The following CSGALNACT1 variants were observed in gnomAD, a reference collection of about 807,000 sequenced individuals.
CSGALNACT1 encodes the protein chondroitin sulfate N-acetylgalactosaminyltransferase 1.
A neutral mutation model predicts 51.0 loss-of-function variants in CSGALNACT1; 52 were observed. That is an observed-to-expected ratio of 1.02 (90% CI 0.82 to 1.29). CSGALNACT1 has a LOEUF of 1.29. CSGALNACT1 is among the 50% of genes most tolerant of loss of function. The pLI, the probability that CSGALNACT1 is intolerant of heterozygous loss-of-function variation, is 0.00. For synonymous variants in CSGALNACT1, 341 were observed against 254.4 expected (o/e 1.34, Z -3.24); for missense variants, 935 against 679.2 (o/e 1.38, Z -4.19).
At chr8:19,529,106 CAAGT>C (rs2082258618) in intron 3 of CSGALNACT1, among the ~76,000 whole-genome samples, 1 of 152,126 alleles carries the variant, frequency 6.6e-6, no homozygotes, top group South Asian at 2.1e-4. Context: ...GCCGAGAAAT[CAAGT>C]AAGCTGAGAA....
intron 1 of CSGALNACT1, among the ~76,000 whole-genome samples, chr8:19,649,670 C>T (rs1358266320): frequency 3.3e-5 from 5 of 151,678 alleles, no homozygotes; most frequent in Admixed American, 2.0e-4. Context: ...AATATCCATA[C>T]ACCCCAAAAC....
intron 3 of CSGALNACT1, among the ~76,000 whole-genome samples, chr8:19,513,485 TAAAG>T (rs1471652502): frequency 6.9e-6 from 1 of 145,502 alleles, no homozygotes; most frequent in Non-Finnish European, 1.5e-5. Flanking sequence ...TGCCTGCTGT[TAAAG>T]AAAATGAGTA....
intron 9 of CSGALNACT1, among the ~76,000 whole-genome samples, chr8:19,406,607 A>T (rs1214215376): frequency 1.4e-5 from 2 of 144,090 alleles, no homozygotes; most frequent in African/African-American, 2.6e-5. Flanking sequence ...CATAATAATT[A>T]AAAATAGAGG....
intron 1 of CSGALNACT1, among the ~76,000 whole-genome samples, chr8:19,631,401 T>C: frequency 6.6e-6 from 1 of 152,196 alleles, no homozygotes; most frequent in Non-Finnish European, 1.5e-5. Context: ...GCGGGTCTCT[T>C]GGATGTGTCT....
chr8:19,658,423 A>G (rs2058478112), intron 1 of CSGALNACT1, among the ~76,000 whole-genome samples: 1 of 152,240 alleles, frequency 6.6e-6, no homozygotes, highest in African/African-American at 2.4e-5. Flanking sequence ...AGAAAAGTCA[A>G]AGAGAGGAAT....
chr8:19,543,801 T>C (rs2085819110), intron 3 of CSGALNACT1, among the ~76,000 whole-genome samples: 1 of 152,238 alleles, frequency 6.6e-6, no homozygotes, highest in Admixed American at 6.5e-5. Context: ...TAAGTGCAAC[T>C]AAATGCTGAT....
chr8:19,684,847 T>C (rs565855713), upstream of CSGALNACT1, among the ~76,000 whole-genome samples: 1 of 152,370 alleles, frequency 6.6e-6, no homozygotes, highest in Admixed American at 6.5e-5. Context: ...TCTTTTCTCA[T>C]TCTAAGTAAA....
rs1554795160 is a variant in CSGALNACT1 at position 19,667,067 on chromosome 8, GAA to G, written c.-544+15404_-544+15405del. Among the ~76,000 whole-genome samples the G allele has an allele frequency of 2.5e-5, 3 of 121,880 alleles. 1 individual carries two copies. The highest frequency in any genetic ancestry group is 9.3e-5 in the African/African-American group (3 of 32,264). 80.0% of individuals were successfully genotyped at this position (121,880 alleles called of 152,430 possible). A position where few individuals can be genotyped will look rare whatever the true frequency, so the allele number is the denominator to read the frequency against. On this transcript the variant is annotated intron_variant, in intron 1 of 9. Transcript: ENST00000332246. The stretch of plus-strand genomic sequence containing the variant: ...AGAAAGAAAGAAAGAAAGAAAGAAA[GAA>G]AGAAAGAAAGAAAGAAAGAAAGAAA...
chr8:19,530,331 C>T lies in CSGALNACT1; in HGVS notation c.-296-24201G>A, dbSNP rs141115604. Among the ~76,000 whole-genome samples, 67 of 152,064 alleles carry T rather than the reference C, an allele frequency of 4.4e-4. No homozygotes were observed. In the East Asian group the frequency reaches 0.012, roughly 27 times the overall value. Reference sequence around the variant, plus strand: ...ACACATACACACACACACACACACACACACACACGCACACAAGTACTGACT... The same window carrying T: ...ACACATACACACACACACACACACATACACACACGCACACAAGTACTGACT... On this transcript the variant is annotated intron_variant, in intron 3 of 9. Coordinates refer to ENST00000454498, the Ensembl canonical transcript of CSGALNACT1.
intron 1 of CSGALNACT1, among the ~76,000 whole-genome samples, chr8:19,708,640 C>G (rs2062322615): frequency 6.6e-6 from 1 of 152,192 alleles, no homozygotes; most frequent in Non-Finnish European, 1.5e-5. Context: ...GCTGAGGACT[C>G]AGCACCAGGT....
At chr8:19,574,456 C>T (rs1221466906) in intron 3 of CSGALNACT1, among the ~76,000 whole-genome samples, 17 of 152,212 alleles carry the variant, frequency 1.1e-4, no homozygotes, top group Admixed American at 1.1e-3. Flanking sequence ...CTATGCTGCT[C>T]TTTCACAAGA....
At chr8:19,699,149 G>T (rs145944169) in intron 1 of CSGALNACT1, among the ~76,000 whole-genome samples, 1 of 152,112 alleles carries the variant, frequency 6.6e-6, no homozygotes, top group Non-Finnish European at 1.5e-5. Flanking sequence ...TGGGACTACA[G>T]GCATGAGCCA....
intron 3 of CSGALNACT1, among the ~76,000 whole-genome samples, chr8:19,528,521 C>T (rs539373836): frequency 6.6e-6 from 1 of 152,258 alleles, no homozygotes; most frequent in South Asian, 2.1e-4. Context: ...TGCCTCTTTA[C>T]TAATTACAAC....
At chr8:19,571,454 A>C (rs2043005779) in intron 3 of CSGALNACT1, among the ~76,000 whole-genome samples, 1 of 149,432 alleles carries the variant, frequency 6.7e-6, no homozygotes, top group Non-Finnish European at 1.5e-5. Flanking sequence ...GTAGCCCCCC[A>C]CCAAAACAAA....
intron 1 of CSGALNACT1, among the ~76,000 whole-genome samples, chr8:19,613,594 A>T (rs1271815574): frequency 1.3e-5 from 2 of 152,246 alleles, no homozygotes; most frequent in Non-Finnish European, 2.9e-5. Flanking sequence ...GATTATAACC[A>T]AGTCAACCAT....
rs562955746 is a variant in CSGALNACT1, at chr8:19,644,100, A to T, written c.-544+38373T>A. The stretch of plus-strand genomic sequence containing the variant: ...TTTTATAAAATATTGTCTAACATTA[A>T]AATTATGTTTATGAGTTTTTAATAG... On this transcript the variant is annotated intron_variant, in intron 1 of 9. Transcript: ENST00000332246. Among the ~76,000 whole-genome samples the T allele has an allele frequency of 4.6e-5, 7 of 152,326 alleles. No homozygotes were observed. In the East Asian group the frequency reaches 1.4e-3, roughly 29 times the overall value.
intron 1 of CSGALNACT1, among the ~76,000 whole-genome samples, chr8:19,659,946 T>C (rs140028687): frequency 1.1e-3 from 160 of 152,338 alleles, no homozygotes; most frequent in African/African-American, 3.6e-3. Context: ...CGAATACTTA[T>C]TATATGCTAG....
chr8:19,611,310 GA>G (rs769542899), intron 1 of CSGALNACT1, among the ~76,000 whole-genome samples: 2 of 152,128 alleles, frequency 1.3e-5, no homozygotes. Flanking sequence ...ATTTCCTTAA[GA>G]TTTTTTTAAG....
chr8:19,529,190 G>A (rs990545381), intron 3 of CSGALNACT1, among the ~76,000 whole-genome samples: 1 of 152,166 alleles, frequency 6.6e-6, no homozygotes, highest in Admixed American at 6.5e-5. Context: ...TTGGTGAGTT[G>A]TTGAGTGCGA....
Sources: allele counts gnomAD v4.1 joint callset (sites outside exome capture counted in the v4.1 genomes callset), GRCh38; gene constraint gnomAD v4.1.1; transcripts MANE v1.5; gene names NCBI Gene and HGNC (gene_info 2026-07-23, HGNC 2026-07-21).